Variants in ITPR1 observed in about 807,000 individuals in gnomAD.
ITPR1 encodes the protein inositol 1,4,5-trisphosphate-gated calcium channel ITPR1.
A neutral mutation model predicts 318.4 loss-of-function variants in ITPR1; 96 were observed. The ratio of observed to expected loss-of-function variants is 0.30; its 90% CI spans 0.26 to 0.36. The LOEUF (loss-of-function observed/expected upper bound fraction) is 0.36. ITPR1 is among the 10% of genes least tolerant of loss of function. ITPR1 has a pLI of 1.00. For missense variants in ITPR1, 2,440 were observed against 3,460.2 expected, an observed-to-expected ratio of 0.71 and a Z score of 7.40; for synonymous variants, 1,312 against 1,289.9, an observed-to-expected ratio of 1.02 and a Z score of -0.37.
In ITPR1 at chr3:4,680,542, T is replaced by A; in HGVS notation, c.2968-11T>A. 6.2e-7 allele frequency: 1 copy of A among 1,612,212 alleles called. No homozygotes were observed. The highest frequency in any genetic ancestry group is 8.5e-7 in the Non-Finnish European group (1 of 1,178,454). ...TAACCAATCTGTTTCCATTTCCACTTGAATCTTTAGTTTATTTTGAATGTG... is the reference window on the plus strand; with the variant it reads ...TAACCAATCTGTTTCCATTTCCACTAGAATCTTTAGTTTATTTTGAATGTG... On this transcript the variant is annotated splice_polypyrimidine_tract_variant and intron_variant, in intron 24 of 61. Coordinates refer to ENST00000649015, the MANE Select transcript of ITPR1 (RefSeq NM_001378452.1).
At position 4,823,626 on chromosome 3, in the gene ITPR1, G is replaced by C. The variant is rs139857783; in HGVS notation, c.8028+5384G>C. ...AAAAACAAAAAACAAAATTGATCAC[G>C]TGGCAAGTGGAAAGATAGATAACAG... On this transcript the variant is annotated intron_variant, in intron 60 of 61. Transcript: ENST00000649015. Among the ~76,000 whole-genome samples the C allele has an allele frequency of 4.6e-5, 7 of 152,240 alleles. No individual in the cohort carries two copies. In the East Asian group the frequency reaches 1.3e-3, roughly 29 times the overall value.
chr3:4,565,381 T>C (rs557426956), intron 4 of ITPR1, among the ~76,000 whole-genome samples: 1 of 152,248 alleles, frequency 6.6e-6, no homozygotes, highest in Non-Finnish European at 1.5e-5. Flanking sequence ...TAGTTTCTTA[T>C]CTTCCTAATT....
At chr3:4,583,037 A>T (rs1210379449) in intron 4 of ITPR1, among the ~76,000 whole-genome samples, 1 of 152,228 alleles carries the variant, frequency 6.6e-6, no homozygotes, top group East Asian at 1.9e-4. Context: ...ATATTTATTT[A>T]AAATTTTCTC....
chr3:4,651,467 A>C (rs1235875571), intron 10 of ITPR1, among the ~76,000 whole-genome samples: 1 of 152,208 alleles, frequency 6.6e-6, no homozygotes, highest in Non-Finnish European at 1.5e-5. Flanking sequence ...AATCAAAGCA[A>C]TAGCCAAGCT....
intron 46 of ITPR1, among the ~76,000 whole-genome samples, chr3:4,772,690 G>A (rs1393762621): frequency 6.6e-6 from 1 of 152,212 alleles, no homozygotes; most frequent in African/African-American, 2.4e-5. Flanking sequence ...ACTGCAAAAA[G>A]GGCAGGATTT....
intron 55 of ITPR1, among the ~76,000 whole-genome samples, chr3:4,809,370 T>C (rs2048790785): frequency 6.6e-6 from 1 of 152,194 alleles, no homozygotes; most frequent in African/African-American, 2.4e-5. Context: ...AAAAACATAT[T>C]GGTTATGTTA....
At position 4,846,218 on chromosome 3, in the gene ITPR1, C is replaced by G. The variant is rs1184281305; in HGVS notation, c.8270C>G (p.Pro2757Arg). The change falls in exon 62 of 62, where the codon CCA becomes CGA. Residue 2757 changes from proline (P) to arginine (R), a missense_variant. Around this residue, in one of 23 missense-constraint regions of ITPR1, gnomAD observed 63 missense variants for 63.4 expected, o/e 0.99. Transcript: ENST00000649015. ...CACATGAATGTCAACCCACAACAAC[C>G]AGCATAAGCAAATGAAAGAAAGGAA... ...PPHMNVNPQQPA is the reference protein window; with the variant it reads ...PPHMNVNPQQRA 6.4e-7 allele frequency: 1 copy of G among 1,552,626 alleles called. No homozygotes were observed.
In ITPR1 at chr3:4,674,349, T is replaced by C; in HGVS notation, c.2598+6T>C. 6.2e-7 allele frequency: 1 copy of C among 1,602,470 alleles called. No individual in the cohort carries two copies. Among genetic ancestry groups the C allele is most frequent in the Non-Finnish European group, 8.5e-7 (1 of 1,174,852 alleles). On this transcript the variant is annotated splice_donor_region_variant and intron_variant, in intron 22 of 61. Transcript: ENST00000649015. ...AGAATAAGCTTACGTTTGAGGTAAC[T>C]CATGATGAAATCTTCTATGTGTATT...
At chr3:4,701,788 C>T (rs2094658209) in intron 35 of ITPR1, among the ~76,000 whole-genome samples, 1 of 152,170 alleles carries the variant, frequency 6.6e-6, no homozygotes, top group Non-Finnish European at 1.5e-5. Context: ...TGAAATGTCT[C>T]ACACATAGCA....
chr3:4,663,046 T>A lies in ITPR1; in HGVS notation c.1413-19T>A. ...GAACACTGAACACATCTGTCTCTAA[T>A]AGCGTCTTTCCTCCTAAGGTCTGTA... On this transcript the variant is annotated intron_variant, in intron 15 of 61. Transcript: ENST00000649015. The A allele has an allele frequency of 1.2e-6, 2 of 1,612,310 alleles. No individual in the cohort carries two copies. Among genetic ancestry groups the A allele is most frequent in the South Asian group, 2.2e-5 (2 of 90,934 alleles).
At position 4,658,248 on chromosome 3, in the gene ITPR1, C is replaced by T. The variant is rs2093757217; in HGVS notation, c.1121C>T (p.Thr374Ile). 3 of 1,613,034 alleles carry T rather than the reference C, an allele frequency of 1.9e-6. No homozygotes were observed. Among genetic ancestry groups the T allele is most frequent in the African/African-American group, 2.7e-5 (2 of 74,918 alleles). The change falls in exon 13 of 62, where the codon ACT becomes ATT. Residue 374 changes from threonine (T) to isoleucine (I), a missense_variant. Thr to Ile is a moderately conservative substitution (Grantham distance 89). Coordinates refer to ENST00000649015, the MANE Select transcript of ITPR1 (RefSeq NM_001378452.1). ...ISSIFELDPT[T>I]LRGGDSLVPR... Reference sequence around the variant, plus strand: ...TCCATTTTCGAGCTAGATCCCACCACTCTGCGTGGAGGTGACAGCCTTGTC... The same window carrying T: ...TCCATTTTCGAGCTAGATCCCACCATTCTGCGTGGAGGTGACAGCCTTGTC...
chr3:4,834,691 A>G (rs1381068172), intron 60 of ITPR1, among the ~76,000 whole-genome samples: 1 of 152,210 alleles, frequency 6.6e-6, no homozygotes. Context: ...TTGACACAGG[A>G]GAGATGAGTA....
chr3:4,666,718 T>G (rs2093955051), intron 17 of ITPR1, among the ~76,000 whole-genome samples: 1 of 152,222 alleles, frequency 6.6e-6, no homozygotes, highest in Non-Finnish European at 1.5e-5. Flanking sequence ...CAGTCTATCT[T>G]GGCCAGGGAA....
chr3:4,563,141 G>GT (rs1021544463), intron 4 of ITPR1, among the ~76,000 whole-genome samples: 31 of 152,300 alleles, frequency 2.0e-4, no homozygotes, highest in African/African-American at 7.5e-4. Flanking sequence ...TGGAGAAACA[G>GT]TAAGAAAGCT....
Position 4,836,767 on chromosome 3 carries a change from A to C in ITPR1, c.8029-7A>C, listed in dbSNP as rs918140965. 25 of 969,136 alleles carry C rather than the reference A, an allele frequency of 2.6e-5. No homozygotes were observed. Among genetic ancestry groups the C allele is most frequent in the Non-Finnish European group, 1.3e-6 (1 of 748,908 alleles). 60.0% of individuals were successfully genotyped at this position (969,136 alleles called of 1,614,324 possible). A position where few individuals can be genotyped will look rare whatever the true frequency, so the allele number is the denominator to read the frequency against. On this transcript the variant is annotated splice_polypyrimidine_tract_variant and splice_region_variant and intron_variant, in intron 60 of 61. Transcript: ENST00000649015. ...TTTTTTTTTTTTTTTTTTAATGTGG[A>C]TTCTAGGAAAGAAACCTTGACTGGT...
intron 50 of ITPR1, 83 bp from the exon 51 acceptor site, chr3:4,783,733 A>G (rs2046984861): frequency 9.0e-7 from 1 of 1,110,222 alleles, no homozygotes; most frequent in Admixed American, 2.0e-5. Context: ...ATGCATTTTT[A>G]AATACCCAAC....
In ITPR1 at chr3:4,796,910, T is replaced by G. The variant is rs184241883; in HGVS notation, c.6931+1723T>G. 2.6e-5 allele frequency among the ~76,000 whole-genome samples: 4 copies of G among 152,260 alleles called. No individual in the cohort carries two copies. The East Asian group carries it at 7.7e-4, about 29-fold the overall frequency. On this transcript the variant is annotated intron_variant, in intron 53 of 61. Coordinates refer to ENST00000649015, the MANE Select transcript of ITPR1 (RefSeq NM_001378452.1). ...TCCTGTAGAACCCGGGGAAGAACAG[T>G]TGGCAAACTAGTCAAGATCTCCAGA...
At chr3:4,634,889 C>T (rs531974026) in intron 5 of ITPR1, among the ~76,000 whole-genome samples, 4 of 152,188 alleles carry the variant, frequency 2.6e-5, no homozygotes, top group African/African-American at 9.7e-5. Flanking sequence ...CAGGCATGCA[C>T]CACCACACCT....
chr3:4,721,053 C>T (rs549561090), intron 40 of ITPR1, among the ~76,000 whole-genome samples: 1 of 151,074 alleles, frequency 6.6e-6, no homozygotes, highest in African/African-American at 2.4e-5. Flanking sequence ...CACTGGCAAC[C>T]ACAGAGCAAA....
Sources: allele counts gnomAD v4.1 joint callset (sites outside exome capture counted in the v4.1 genomes callset), GRCh38; gene constraint gnomAD v4.1.1; regional missense constraint gnomAD v4.1.1; transcripts MANE v1.5; gene names NCBI Gene and HGNC (gene_info 2026-07-23, HGNC 2026-07-21).